FBXW11: variants seen among roughly 807,000 people sequenced by gnomAD.
The protein encoded by FBXW11 is F-box and WD repeat domain containing 11, also known as F-box/WD repeat-containing protein 11.
A neutral mutation model predicts 77.6 loss-of-function variants in FBXW11; 19 were observed. The observed-to-expected ratio is 0.24, with a 90% CI of 0.17 to 0.36. The LOEUF is 0.36. FBXW11 is among the 10% of genes least tolerant of loss of function. The pLI, the probability that FBXW11 is intolerant of heterozygous loss-of-function variation, is 1.00. For missense variants in FBXW11, 334 were observed against 704.2 expected (o/e 0.47, Z 5.95); for synonymous variants, 235 against 249.4 (o/e 0.94, Z 0.54).
At chr5:171,972,234 T>C (rs1417243062) in intron 1 of FBXW11, among the ~76,000 whole-genome samples, 2 of 151,460 alleles carry the variant, frequency 1.3e-5, no homozygotes, top group East Asian at 3.9e-4. Flanking sequence ...TCCCAGAATT[T>C]GGGGAGGCTG....
At chr5:171,945,423 T>C (rs2113211296) in intron 2 of FBXW11, among the ~76,000 whole-genome samples, 1 of 152,320 alleles carries the variant, frequency 6.6e-6, no homozygotes, top group Middle Eastern at 3.4e-3. Context: ...CTCCACTACA[T>C]AGAAGGTAGA....
At chr5:171,933,662 A>G (rs1762333024) in intron 2 of FBXW11, among the ~76,000 whole-genome samples, 1 of 152,216 alleles carries the variant, frequency 6.6e-6, no homozygotes, top group Non-Finnish European at 1.5e-5. Flanking sequence ...AGAATTTTTA[A>G]TAACATCCAA....
chr5:171,903,737 C>T (rs1760290582), intron 4 of FBXW11, among the ~76,000 whole-genome samples: 1 of 151,988 alleles, frequency 6.6e-6, no homozygotes, highest in Non-Finnish European at 1.5e-5. Context: ...CCTTGACCTT[C>T]CAGAATCAAG....
chr5:171,902,215 C>G (rs949405664), intron 4 of FBXW11, among the ~76,000 whole-genome samples: 102 of 152,300 alleles, frequency 6.7e-4, no homozygotes, highest in Non-Finnish European at 1.1e-3. Context: ...TACCTACTAG[C>G]CTGGTAACTT....
chr5:171,925,862 A>C (rs1252415176), intron 2 of FBXW11, among the ~76,000 whole-genome samples: 2 of 152,224 alleles, frequency 1.3e-5, no homozygotes, highest in Admixed American at 1.3e-4. Flanking sequence ...CAGACATGTC[A>C]AAAATTGTGA....
intron 7 of FBXW11, among the ~76,000 whole-genome samples, chr5:171,889,024 T>C (rs2113832907): frequency 6.6e-6 from 1 of 152,222 alleles, no homozygotes; most frequent in Non-Finnish European, 1.5e-5. Flanking sequence ...TATCAAAAGA[T>C]ATAGTATTTA....
intron 2 of FBXW11, chr5:171,916,584 T>A: frequency 9.2e-6 from 4 of 432,472 alleles, no homozygotes; most frequent in Non-Finnish European, 1.2e-5. Context: ...TCTCTCCATG[T>A]AATCTTTTCA....
intron 1 of FBXW11, among the ~76,000 whole-genome samples, chr5:172,000,165 TACA>T (rs1220177956): frequency 2.0e-5 from 3 of 152,214 alleles, no homozygotes; most frequent in Non-Finnish European, 4.4e-5. Flanking sequence ...CAATGAACAA[TACA>T]ACTCAGAAGA....
rs186226960 is a variant in FBXW11, at chr5:171,904,147, A to G, written c.437-4047T>C. Among the ~76,000 whole-genome samples the G allele has an allele frequency of 2.0e-5, 3 of 152,152 alleles. No homozygotes were observed. The highest frequency in any genetic ancestry group is 7.2e-5 in the African/African-American group (3 of 41,518). On this transcript the variant is annotated intron_variant, in intron 4 of 13. Transcript: ENST00000517395. This position sits in a 1 kb window ranked among gnomAD's most constrained non-coding sequence, Gnocchi z 4.0. ...CTCCATCTCTACTAAATATACAAAA[A>G]TTAGCCATGGTGGCACACGCCTGTA... is the stretch of plus-strand genomic sequence containing the variant.
At chr5:171,949,165 G>A (rs80242334) in intron 2 of FBXW11, among the ~76,000 whole-genome samples, 1,918 of 152,298 alleles carry the variant, frequency 0.013, 39 homozygotes, top group African/African-American at 0.043. Context: ...AAGACAGCAT[G>A]ATACAGTTGT....
intron 1 of FBXW11, among the ~76,000 whole-genome samples, chr5:171,978,374 T>A (rs907369834): frequency 6.6e-6 from 1 of 152,074 alleles, no homozygotes; most frequent in Non-Finnish European, 1.5e-5. Flanking sequence ...ATATATAAGT[T>A]TTTTCAAGGT....
chr5:171,930,762 T>TAA (rs59700625), intron 2 of FBXW11, among the ~76,000 whole-genome samples: 3,207 of 126,386 alleles, frequency 0.025, 61 homozygotes, highest in African/African-American at 0.052. Context: ...AATAAAAAAA[T>TAA]AAAAAAAAAA....
chr5:171,932,127 A>G (rs923359809), intron 2 of FBXW11, among the ~76,000 whole-genome samples: 1 of 152,044 alleles, frequency 6.6e-6, no homozygotes, highest in Non-Finnish European at 1.5e-5. Flanking sequence ...CATCTGCCTC[A>G]GCCTCCCAAA....
chr5:171,893,481 T>C (rs1260017956), intron 6 of FBXW11, among the ~76,000 whole-genome samples: 1 of 127,770 alleles, frequency 7.8e-6, no homozygotes, highest in South Asian at 2.7e-4. Flanking sequence ...TCTATCAAAG[T>C]AGACAACAGA....
intron 13 of FBXW11, among the ~76,000 whole-genome samples, chr5:171,865,811 G>C (rs187765227): frequency 1.3e-5 from 2 of 152,266 alleles, no homozygotes; most frequent in Middle Eastern, 3.4e-3. Flanking sequence ...TCCGCAGATA[G>C]ATCTACTGCT....
chr5:171,947,846 G>A (rs75858577), intron 2 of FBXW11, among the ~76,000 whole-genome samples: 8 of 152,066 alleles, frequency 5.3e-5, no homozygotes, highest in African/African-American at 1.7e-4. Flanking sequence ...GGGCCTGGGA[G>A]GTCGACGCTA....
chr5:171,877,680 G>A (rs1001788083), intron 8 of FBXW11, among the ~76,000 whole-genome samples: 5 of 151,954 alleles, frequency 3.3e-5, no homozygotes, highest in East Asian at 3.9e-4. Context: ...CAGGGGTGGC[G>A]AAAGAGTCCA....
At chr5:171,979,533 TA>T (rs530377148) in intron 1 of FBXW11, among the ~76,000 whole-genome samples, 1 of 152,124 alleles carries the variant, frequency 6.6e-6, no homozygotes, top group Non-Finnish European at 1.5e-5. Flanking sequence ...ATTGCTTCTG[TA>T]AAAAAAGGTA....
intron 1 of FBXW11, among the ~76,000 whole-genome samples, chr5:171,990,440 T>G (rs1235956792): frequency 1.3e-5 from 2 of 152,182 alleles, no homozygotes; most frequent in East Asian, 3.9e-4. Flanking sequence ...TGGAGGGCAA[T>G]GTGGCAATGT....
Sources: allele counts gnomAD v4.1 joint callset (sites outside exome capture counted in the v4.1 genomes callset), GRCh38; gene constraint gnomAD v4.1.1; non-coding constraint Gnocchi (gnomAD v3.1); transcripts MANE v1.5; gene names NCBI Gene and HGNC (gene_info 2026-07-23, HGNC 2026-07-21).